The following FER variants were observed in gnomAD, a reference collection of about 807,000 sequenced individuals.
FER encodes the protein FER tyrosine kinase.
Under a neutral mutation model 111.0 loss-of-function variants are expected in FER, and 63 were observed. The observed-to-expected ratio is 0.57, with a 90% CI of 0.46 to 0.70. The LOEUF (loss-of-function observed/expected upper bound fraction) is 0.70, where lower values mean the gene tolerates loss of function less well. Among genes scored for constraint, FER ranks in the 30% least tolerant of loss-of-function variants. FER has a pLI of 0.00. For missense variants in FER, 914 were observed against 954.0 expected (o/e 0.96, Z 0.55); for synonymous variants, 327 against 313.9 (o/e 1.04, Z -0.44).
At chr5:109,145,765 G>T (rs1754024550) in intron 17 of FER, among the ~76,000 whole-genome samples, 1 of 151,956 alleles carries the variant, frequency 6.6e-6, no homozygotes, top group Admixed American at 6.6e-5. Flanking sequence ...GTTATTATTG[G>T]AACTTTATTA....
At chr5:108,980,567 T>C (rs1217711062) in intron 13 of FER, among the ~76,000 whole-genome samples, 2 of 152,178 alleles carry the variant, frequency 1.3e-5, no homozygotes, top group African/African-American at 2.4e-5. Flanking sequence ...AAATGTGAAA[T>C]TTCATCCTCA....
At chr5:109,184,263 C>G (rs1377491728) in intron 18 of FER, among the ~76,000 whole-genome samples, 1 of 152,132 alleles carries the variant, frequency 6.6e-6, no homozygotes, top group Admixed American at 6.6e-5. Flanking sequence ...GGGAGGGAGG[C>G]AGAATTTTTA....
chr5:108,956,581 C>T (rs536181678), intron 12 of FER, among the ~76,000 whole-genome samples: 10 of 151,554 alleles, frequency 6.6e-5, no homozygotes, highest in South Asian at 2.1e-4. Context: ...TAAGAGGTTA[C>T]GAGTTCACAT....
At chr5:109,151,435 C>T (rs1000872013) in intron 17 of FER, among the ~76,000 whole-genome samples, 22 of 152,098 alleles carry the variant, frequency 1.4e-4, no homozygotes, top group South Asian at 8.3e-4. Context: ...AGACATACAT[C>T]TTTCACCCAA....
intron 16 of FER, among the ~76,000 whole-genome samples, chr5:109,064,210 C>T (rs1774802307): frequency 6.6e-6 from 1 of 152,114 alleles, no homozygotes; most frequent in Non-Finnish European, 1.5e-5. Flanking sequence ...ATTGGAGTTA[C>T]TTTATTTAAT....
At chr5:109,132,966 C>T (rs779541930) in intron 17 of FER, among the ~76,000 whole-genome samples, 37 of 152,136 alleles carry the variant, frequency 2.4e-4, no homozygotes, top group Non-Finnish European at 4.4e-4. Flanking sequence ...GGAGGGAAGC[C>T]TGTTGCTGCA....
At chr5:109,035,691 T>C (rs1001286440) in intron 13 of FER, among the ~76,000 whole-genome samples, 1 of 152,230 alleles carries the variant, frequency 6.6e-6, no homozygotes, top group African/African-American at 2.4e-5. Flanking sequence ...TGTTTAACTT[T>C]ATGAGAAACT....
At chr5:108,867,702 G>A in intron 5 of FER, 65 bp from the exon 6 acceptor site, 2 of 1,426,960 alleles carry the variant, frequency 1.4e-6, no homozygotes, top group South Asian at 1.3e-5. Flanking sequence ...CAGTTTGTAT[G>A]TAGTGAAGAT....
intron 11 of FER, among the ~76,000 whole-genome samples, chr5:108,952,927 GAC>G (rs1164646903): frequency 2.0e-5 from 3 of 151,948 alleles, no homozygotes; most frequent in Admixed American, 2.0e-4. Flanking sequence ...CTTTTAGAGA[GAC>G]AATGATAAAA....
chr5:109,007,481 T>C (rs11954988), intron 13 of FER, among the ~76,000 whole-genome samples: 19,469 of 152,190 alleles, frequency 0.13, 1,288 homozygotes, highest in Non-Finnish European at 0.14. Flanking sequence ...ACCCAGCTAC[T>C]TACCCTTTGG....
chr5:109,168,094 T>C (rs1756742334), intron 17 of FER, among the ~76,000 whole-genome samples: 1 of 152,180 alleles, frequency 6.6e-6, no homozygotes, highest in Non-Finnish European at 1.5e-5. Flanking sequence ...GGCCTCACTT[T>C]AGGAGACATA....
At chr5:109,157,389 T>G (rs978732276) in intron 17 of FER, among the ~76,000 whole-genome samples, 1 of 152,152 alleles carries the variant, frequency 6.6e-6, no homozygotes, top group Non-Finnish European at 1.5e-5. Context: ...TGTTCTAAAT[T>G]CTACTCCCTT....
intron 10 of FER, among the ~76,000 whole-genome samples, chr5:108,907,678 A>G (rs1013343938): frequency 4.6e-5 from 7 of 152,150 alleles, no homozygotes; most frequent in African/African-American, 1.7e-4. Context: ...TCTTAGATCT[A>G]CATTCAGCAA....
chr5:108,972,517 C>G (rs1214871348), intron 13 of FER, among the ~76,000 whole-genome samples: 1 of 152,118 alleles, frequency 6.6e-6, no homozygotes, highest in Non-Finnish European at 1.5e-5. Flanking sequence ...TTACATTGAT[C>G]TTTGAAGTAG....
At chr5:109,042,574 G>C (rs941698745) in intron 14 of FER, among the ~76,000 whole-genome samples, 1 of 152,140 alleles carries the variant, frequency 6.6e-6, no homozygotes. Context: ...CTAAATTAAT[G>C]TTTAAATTTT....
At chr5:108,932,688 G>A (rs1404931437) in intron 10 of FER, among the ~76,000 whole-genome samples, 7 of 152,080 alleles carry the variant, frequency 4.6e-5, no homozygotes, top group Admixed American at 4.6e-4. Context: ...AGCATCTGTT[G>A]TTTCCTGACT....
At position 108,783,105 on chromosome 5, in the gene FER, G is replaced by A. The variant is rs141614068; in HGVS notation, c.-60+14867G>A. ...TTGCACTCTGATGATACAAATGTTG[G>A]ATCTTTTGTTGTTGTCCCACAGGTC... is the stretch of plus-strand genomic sequence containing the variant. On this transcript the variant is annotated intron_variant, in intron 2 of 19. Coordinates refer to ENST00000281092, the MANE Select transcript of FER (RefSeq NM_005246.4). 1.5e-3 allele frequency among the ~76,000 whole-genome samples: 235 copies of A among 152,072 alleles called. 1 individual carries two copies. Among genetic ancestry groups the A allele is most frequent in the Non-Finnish European group, 2.8e-3 (193 of 67,984 alleles).
Position 108,761,220 on chromosome 5 carries a change from A to G in FER, c.-205-6873A>G, listed in dbSNP as rs189890814. Among the ~76,000 whole-genome samples, 457 of 152,156 alleles carry G rather than the reference A, an allele frequency of 3.0e-3. 2 individuals are homozygous for G. The highest frequency in any genetic ancestry group is 9.8e-3 in the African/African-American group (407 of 41,520). ...TGGGATTACAGGTGTGAGCCACTGC[A>G]CCTGGCCTATTTTGGCTTTCAACAT... On this transcript the variant is annotated intron_variant, in intron 1 of 19. Coordinates refer to ENST00000281092, the MANE Select transcript of FER (RefSeq NM_005246.4).
At chr5:109,163,049 T>A (rs541026267) in intron 17 of FER, among the ~76,000 whole-genome samples, 8 of 152,296 alleles carry the variant, frequency 5.3e-5, no homozygotes, top group African/African-American at 1.9e-4. Flanking sequence ...TCTGTCACTG[T>A]AGCTTAGATG....
Sources: gnomAD v4.1 joint callset for allele counts (sites outside exome capture counted in the v4.1 genomes callset) on GRCh38, gnomAD v4.1.1 for gene constraint, MANE v1.5 for transcripts, NCBI Gene and HGNC (gene_info 2026-07-23, HGNC 2026-07-21) for gene names.